The following RBFOX1 variants were observed in gnomAD, a reference collection of about 807,000 sequenced individuals.
RBFOX1 encodes RNA binding fox-1 homolog 1.
Under a neutral mutation model 57.7 loss-of-function variants are expected in RBFOX1, and 8 were observed. The observed-to-expected ratio is 0.14, with a 90% CI of 0.08 to 0.25. The LOEUF is 0.25. Ranked by LOEUF, RBFOX1 falls within the 10% of genes least tolerant of loss-of-function variation. The pLI is 1.00. For synonymous variants in RBFOX1, 326 were observed against 222.4 expected, an observed-to-expected ratio of 1.47 and a Z score of -4.15; for missense variants, 611 against 548.5, an observed-to-expected ratio of 1.11 and a Z score of -1.14.
Position 6,185,015 on chromosome 16 carries a change from C to G in RBFOX1, c.-126-131980C>G, listed in dbSNP as rs151034304. Among the ~76,000 whole-genome samples, 4 of 152,156 alleles carry G rather than the reference C, an allele frequency of 2.6e-5. No homozygotes were observed. The East Asian group carries it at 7.8e-4, about 30-fold the overall frequency. ...CTTGTGTGAATTCGGCATGAGGTGC[C>G]CATTGGATTTCCAAGGAGAGATGTC... On this transcript the variant is annotated intron_variant, in intron 1 of 15. Transcript: ENST00000550418.
At chr16:7,602,474 A>C (rs1453810611) in intron 9 of RBFOX1, among the ~76,000 whole-genome samples, 1 of 152,178 alleles carries the variant, frequency 6.6e-6, no homozygotes, top group African/African-American at 2.4e-5. Context: ...GTCCTTGATC[A>C]AAATCTCTGA....
intron 3 of RBFOX1, among the ~76,000 whole-genome samples, chr16:5,637,639 C>G (rs1159532571): frequency 2.6e-5 from 4 of 152,190 alleles, no homozygotes; most frequent in African/African-American, 9.7e-5. Context: ...TTTCAAGGCC[C>G]TGACACCATT....
At chr16:7,189,190 C>G (rs1166628891) in intron 4 of RBFOX1, among the ~76,000 whole-genome samples, 1 of 151,874 alleles carries the variant, frequency 6.6e-6, no homozygotes, top group Non-Finnish European at 1.5e-5. Context: ...CTTTGGGAGG[C>G]CGACGTAGGT....
intron 14 of RBFOX1, among the ~76,000 whole-genome samples, chr16:7,681,743 A>T (rs2074813994): frequency 6.6e-6 from 1 of 151,574 alleles, no homozygotes; most frequent in Admixed American, 6.6e-5. Context: ...ATGGGATAGG[A>T]TATAGTTTAA....
chr16:5,831,955 G>A (rs1208444258), intron 3 of RBFOX1, among the ~76,000 whole-genome samples: 2 of 152,174 alleles, frequency 1.3e-5, no homozygotes, highest in African/African-American at 4.8e-5. Context: ...TTCAAAAAAT[G>A]TCTATCGAGA....
chr16:6,895,446 G>A (rs111773459), intron 3 of RBFOX1, among the ~76,000 whole-genome samples: 13,852 of 54,622 alleles, frequency 0.25, 1,514 homozygotes, highest in Admixed American at 0.34. Context: ...GTGTGTGTGT[G>A]TGTATATATA....
At chr16:7,011,261 T>C (rs994640068) in intron 3 of RBFOX1, among the ~76,000 whole-genome samples, 4 of 152,210 alleles carry the variant, frequency 2.6e-5, no homozygotes, top group African/African-American at 9.6e-5. Context: ...TTAACTTATG[T>C]AATTCTTTTA....
At chr16:6,530,480 C>A (rs1367482811) in intron 2 of RBFOX1, among the ~76,000 whole-genome samples, 1 of 152,158 alleles carries the variant, frequency 6.6e-6, no homozygotes, top group African/African-American at 2.4e-5. Flanking sequence ...CAAATTCTTT[C>A]TTTCTCACGA....
intron 3 of RBFOX1, among the ~76,000 whole-genome samples, chr16:7,035,799 G>A (rs1181068276): frequency 1.3e-5 from 2 of 150,560 alleles, no homozygotes; most frequent in Non-Finnish European, 2.9e-5. Flanking sequence ...TCCTTAAGTT[G>A]GGGGTTTTAA....
intron 4 of RBFOX1, among the ~76,000 whole-genome samples, chr16:7,419,458 C>T (rs760412281): frequency 3.9e-5 from 6 of 152,216 alleles, no homozygotes; most frequent in African/African-American, 7.2e-5. Flanking sequence ...GCAACCGGCA[C>T]CTTTGAGGGG....
intron 9 of RBFOX1, 145 bp from the exon 10 acceptor site, chr16:7,607,140 T>G: frequency 1.6e-6 from 1 of 635,044 alleles, no homozygotes; most frequent in Non-Finnish European, 2.6e-6. Flanking sequence ...TTTTTAAGTA[T>G]TTTTATGCAT....
At chr16:6,156,426 T>G (rs2096838860) in intron 1 of RBFOX1, among the ~76,000 whole-genome samples, 1 of 152,214 alleles carries the variant, frequency 6.6e-6, no homozygotes, top group Non-Finnish European at 1.5e-5. Flanking sequence ...TCCTTGCCAG[T>G]GATTTGTCTT....
intron 3 of RBFOX1, among the ~76,000 whole-genome samples, chr16:5,828,789 G>C (rs1254971297): frequency 6.6e-6 from 1 of 152,192 alleles, no homozygotes; most frequent in Admixed American, 6.5e-5. Flanking sequence ...GGGCAAGGAA[G>C]AGTATGGTGT....
intron 14 of RBFOX1, among the ~76,000 whole-genome samples, chr16:7,696,840 C>G (rs149970981): frequency 7.9e-5 from 12 of 152,208 alleles, no homozygotes; most frequent in African/African-American, 2.9e-4. Context: ...GAGCAGGGAT[C>G]TAAATATAAA....
At chr16:6,663,938 A>C (rs1213677939) in intron 3 of RBFOX1, among the ~76,000 whole-genome samples, 1 of 152,180 alleles carries the variant, frequency 6.6e-6, no homozygotes, top group Non-Finnish European at 1.5e-5. Flanking sequence ...GCTAGAGATA[A>C]AGCTCAAAGC....
intron 3 of RBFOX1, among the ~76,000 whole-genome samples, chr16:6,687,723 C>T (rs966549125): frequency 6.6e-6 from 1 of 152,222 alleles, no homozygotes; most frequent in East Asian, 1.9e-4. Context: ...CCGGGGAGGA[C>T]AGAGGATGGA....
intron 4 of RBFOX1, among the ~76,000 whole-genome samples, chr16:7,434,129 C>G (rs531684029): frequency 8.6e-5 from 13 of 151,688 alleles, no homozygotes; most frequent in African/African-American, 3.1e-4. Context: ...AGTAAAGTTT[C>G]ATAAACCAGG....
intron 2 of RBFOX1, among the ~76,000 whole-genome samples, chr16:6,585,958 A>G (rs1420067): frequency 6.6e-6 from 1 of 152,002 alleles, no homozygotes; most frequent in Non-Finnish European, 1.5e-5. Flanking sequence ...ATACCTTTAA[A>G]CAACAGTTTT....
At chr16:5,874,501 A>AT (rs896949214) in intron 4 of RBFOX1, among the ~76,000 whole-genome samples, 12 of 151,716 alleles carry the variant, frequency 7.9e-5, no homozygotes, top group Admixed American at 3.3e-4. Context: ...GAGCAGAGAT[A>AT]TTTTTTTTTC....
Sources: gnomAD v4.1 joint callset for allele counts (sites outside exome capture counted in the v4.1 genomes callset) on GRCh38, gnomAD v4.1.1 for gene constraint, MANE v1.5 for transcripts, NCBI Gene and HGNC (gene_info 2026-07-23, HGNC 2026-07-21) for gene names.